Variants in METTL8 observed in about 807,000 individuals in gnomAD.
The protein encoded by METTL8 is tRNA N(3)-cytidine methyltransferase METTL8, mitochondrial.
METTL8 carries 32 observed loss-of-function variants against 48.7 expected under a neutral mutation model. The observed-to-expected ratio is 0.66, with a 90% CI of 0.50 to 0.88. The LOEUF is 0.88. Among genes scored for constraint, METTL8 ranks in the 40% least tolerant of loss-of-function variants. The pLI, the probability that METTL8 is intolerant of heterozygous loss-of-function variation, is 0.00. For missense variants in METTL8, 464 were observed against 474.4 expected (o/e 0.98, Z 0.20); for synonymous variants, 136 against 157.1 (o/e 0.87, Z 1.01).
chr2:171,375,010 T>C (rs1049101594), intron 2 of METTL8: 7 of 1,015,118 alleles, frequency 6.9e-6, no homozygotes, highest in Admixed American at 3.4e-5. Flanking sequence ...TTTGTGGGCT[T>C]CACGAGATCG....
intron 2 of METTL8, among the ~76,000 whole-genome samples, chr2:171,384,361 T>A (rs924287849): frequency 3.3e-5 from 5 of 151,550 alleles, no homozygotes; most frequent in Non-Finnish European, 5.9e-5. Flanking sequence ...TACAAAAAAA[T>A]TAGCTAGCCA....
intron 3 of METTL8, among the ~76,000 whole-genome samples, chr2:171,351,098 A>T (rs980584715): frequency 2.0e-5 from 3 of 151,934 alleles, no homozygotes; most frequent in Non-Finnish European, 4.4e-5. Flanking sequence ...TGGTTTTAGG[A>T]CTAACATTTA....
At chr2:171,418,508 G>T (rs1691547695) in intron 1 of METTL8, among the ~76,000 whole-genome samples, 1 of 152,104 alleles carries the variant, frequency 6.6e-6, no homozygotes, top group Non-Finnish European at 1.5e-5. Context: ...TTGCATGGAC[G>T]ATTTGTCTCT....
At chr2:171,359,563 C>G (rs759796677) in intron 3 of METTL8, among the ~76,000 whole-genome samples, 5 of 152,084 alleles carry the variant, frequency 3.3e-5, no homozygotes, top group Non-Finnish European at 7.4e-5. Context: ...TAACTGCACT[C>G]CCATGTCTAC....
intron 2 of METTL8, among the ~76,000 whole-genome samples, chr2:171,361,301 G>T (rs570065306): frequency 6.0e-5 from 9 of 150,542 alleles, no homozygotes; most frequent in Non-Finnish European, 1.3e-4. Context: ...CAATTTCCTG[G>T]AATAAACCAG....
chr2:171,325,818 T>A, intron 9 of METTL8, 23 bp downstream of exon 9: 1 of 1,417,062 alleles, frequency 7.1e-7, no homozygotes, highest in Non-Finnish European at 9.8e-7. Context: ...TGACCAATTA[T>A]TTCCTTTTGT....
intron 3 of METTL8, among the ~76,000 whole-genome samples, chr2:171,350,190 C>A (rs1012147167): frequency 6.6e-6 from 1 of 152,164 alleles, no homozygotes; most frequent in Admixed American, 6.5e-5. Context: ...TCAATTCCCA[C>A]CTATGAGTGA....
intron 3 of METTL8, among the ~76,000 whole-genome samples, chr2:171,354,899 G>T (rs1190824447): frequency 6.6e-6 from 1 of 152,012 alleles, no homozygotes; most frequent in Non-Finnish European, 1.5e-5. Flanking sequence ...TTTGCAATGG[G>T]CTCGAACATC....
At chr2:171,413,667 T>A (rs1690980623) in intron 1 of METTL8, among the ~76,000 whole-genome samples, 1 of 152,176 alleles carries the variant, frequency 6.6e-6, no homozygotes, top group African/African-American at 2.4e-5. Flanking sequence ...TAAACAAATG[T>A]TCTTTGGAGC....
intron 2 of METTL8, among the ~76,000 whole-genome samples, chr2:171,380,404 T>C (rs1269120573): frequency 6.6e-6 from 1 of 152,164 alleles, no homozygotes; most frequent in Non-Finnish European, 1.5e-5. Flanking sequence ...ACCAGGGCAA[T>C]AAGGCTAGAG....
intron 1 of METTL8, among the ~76,000 whole-genome samples, chr2:171,404,644 T>C (rs1305124584): frequency 6.6e-6 from 1 of 152,150 alleles, no homozygotes. Flanking sequence ...AAACCATGGA[T>C]AATGGGAGAC....
intron 1 of METTL8, among the ~76,000 whole-genome samples, chr2:171,412,725 A>G (rs976360027): frequency 6.6e-6 from 1 of 151,390 alleles, no homozygotes; most frequent in African/African-American, 2.4e-5. Flanking sequence ...ATGGACTCAC[A>G]GAAAAAAAAA....
chr2:171,361,253 CTT>C (rs67676770), intron 2 of METTL8, among the ~76,000 whole-genome samples: 14 of 143,388 alleles, frequency 9.8e-5, no homozygotes, highest in Admixed American at 2.1e-4. Context: ...ACAAAGTTTG[CTT>C]TTTTTTTTTT....
chr2:171,374,874 T>C (rs1270829710), intron 2 of METTL8: 1 of 824,680 alleles, frequency 1.2e-6, no homozygotes, highest in African/African-American at 1.7e-5. Context: ...AAGTACAATT[T>C]CCATTTTATT....
At chr2:171,433,646 T>C (rs1693417225) in intron 1 of METTL8, among the ~76,000 whole-genome samples, 1 of 152,234 alleles carries the variant, frequency 6.6e-6, no homozygotes, top group South Asian at 2.1e-4. Flanking sequence ...TCATATTTTA[T>C]TCCCTATAAA....
At chr2:171,361,850 G>A (rs1685199533) in intron 2 of METTL8, among the ~76,000 whole-genome samples, 3 of 152,110 alleles carry the variant, frequency 2.0e-5, no homozygotes, top group African/African-American at 7.2e-5. Context: ...AGTGCAAGCA[G>A]GTAAACAATA....
At chr2:171,369,251 A>G (rs1686045569) in intron 2 of METTL8, among the ~76,000 whole-genome samples, 1 of 152,232 alleles carries the variant, frequency 6.6e-6, no homozygotes, top group Non-Finnish European at 1.5e-5. Context: ...GCTTGCAGTG[A>G]GCCGAGATCG....
intron 2 of METTL8, among the ~76,000 whole-genome samples, chr2:171,388,434 C>T (rs949271981): frequency 1.3e-5 from 2 of 152,216 alleles, no homozygotes; most frequent in African/African-American, 4.8e-5. Context: ...TTTCACCAAT[C>T]TCCTAGAAAA....
rs545653165 is a variant in METTL8 at position 171,356,383 on chromosome 2, C to T, written c.235+4039G>A. ...TGAACTCCTGACCTCAGGTGATCCA[C>T]CCACCTTGGGCTCCCAAAGTGCTGG... On this transcript the variant is annotated intron_variant, in intron 3 of 9. Coordinates refer to ENST00000375258, the MANE Select transcript of METTL8 (RefSeq NM_001321154.2). Among the ~76,000 whole-genome samples, 5 of 152,274 alleles carry T rather than the reference C, an allele frequency of 3.3e-5. No homozygotes were observed. The South Asian group carries it at 1.0e-3, about 32-fold the overall frequency.
Sources: allele counts gnomAD v4.1 joint callset (sites outside exome capture counted in the v4.1 genomes callset), GRCh38; gene constraint gnomAD v4.1.1; transcripts MANE v1.5; gene names NCBI Gene and HGNC (gene_info 2026-07-23, HGNC 2026-07-21).